PMFBP1: variants seen among roughly 807,000 people sequenced by gnomAD.
PMFBP1 encodes polyamine-modulated factor 1-binding protein 1.
A neutral mutation model predicts 137.8 loss-of-function variants in PMFBP1; 131 were observed. That is an observed-to-expected ratio of 0.95 (90% CI 0.82 to 1.10). The LOEUF (loss-of-function observed/expected upper bound fraction) is 1.10. Ranked by LOEUF, PMFBP1 falls within the 50% of genes least tolerant of loss-of-function variation. The pLI is 0.00. For missense variants in PMFBP1, 1,199 were observed against 1,175.4 expected (o/e 1.02, Z -0.29); for synonymous variants, 490 against 450.4 (o/e 1.09, Z -1.11).
chr16:72,136,187 T>C (rs1201125509), intron 9 of PMFBP1, among the ~76,000 whole-genome samples: 2 of 152,208 alleles, frequency 1.3e-5, no homozygotes, highest in African/African-American at 4.8e-5. Flanking sequence ...GTGTCACAAA[T>C]GCTCTTGCTA....
At chr16:72,184,916 T>C in the PMFBP1 span, among the ~76,000 whole-genome samples, 1 of 152,238 alleles carries the variant, frequency 6.6e-6, no homozygotes, top group Non-Finnish European at 1.5e-5. Context: ...CAACTAGAGA[T>C]ACGATCATGT....
intron 2 of PMFBP1, among the ~76,000 whole-genome samples, chr16:72,168,407 G>A (rs1033387567): frequency 1.3e-5 from 2 of 152,160 alleles, no homozygotes; most frequent in African/African-American, 4.8e-5. Context: ...TTTCTTGCTG[G>A]TATCTCGCAC....
At chr16:72,131,028 G>A (rs1186000423) in intron 10 of PMFBP1, among the ~76,000 whole-genome samples, 1 of 152,140 alleles carries the variant, frequency 6.6e-6, no homozygotes, top group Non-Finnish European at 1.5e-5. Flanking sequence ...GGCTCCTGAG[G>A]GAGGCTTACT....
chr16:72,164,794 G>C lies in PMFBP1; in HGVS notation c.135C>G (p.Leu45=). Reference sequence around the variant, plus strand: ...TGCTGTTCATTGCCTCCTCCATGCAGAGCTGATTGTCCTGCAAGGTCTTCC... The same window carrying C: ...TGCTGTTCATTGCCTCCTCCATGCACAGCTGATTGTCCTGCAAGGTCTTCC... The part of the protein sequence containing the change: ...RQRKTLQDNQ[L]CMEEAMNSSH... Residue 45 remains leucine (L), a synonymous_variant, in exon 3 of 21, where the codon CTC becomes CTG. Transcript: ENST00000237353. 6.2e-7 allele frequency: 1 copy of C among 1,604,530 alleles called. No homozygotes were observed. Among genetic ancestry groups the C allele is most frequent in the Non-Finnish European group, 8.5e-7 (1 of 1,172,136 alleles).
In PMFBP1 at chr16:72,136,724, G is replaced by A. The variant is rs763202267; in HGVS notation, c.1014C>T (p.Ala338=). Residue 338 remains alanine, a synonymous_variant, in exon 8 of 21, where the codon GCC becomes GCT. Transcript: ENST00000237353. ...LVKDLRVELE[A]VSEQKRNIMK... is the part of the protein sequence containing the mutation. ...TGATGTTTCTCTTCTGTTCCGACAC[G>A]GCCTCTAGTTCCACGCGCAGATCCT... is the stretch of plus-strand genomic sequence containing the variant. 14 of 1,613,856 alleles carry A rather than the reference G, an allele frequency of 8.7e-6. No individual in the cohort carries two copies. Among genetic ancestry groups the A allele is most frequent in the South Asian group, 4.4e-5 (4 of 91,076 alleles).
rs149684797 is a variant in PMFBP1, at chr16:72,140,450, G to C, written c.769C>G (p.Gln257Glu). 2.5e-6 allele frequency: 4 copies of C among 1,613,964 alleles called. No individual in the cohort carries two copies. In the African/African-American group the frequency reaches 5.3e-5, roughly 22 times the overall value. ...QKVSQQDDLIQELRNKLACSN... is the reference protein window; with the variant it reads ...QKVSQQDDLIEELRNKLACSN... ...CAGGCCAGCTTATTTCGAAGTTCTT[G>C]AATGAGATCATCCTGTTGAGAGACC... Residue 257 changes from glutamine (Q) to glutamate (E), a missense_variant, in exon 6 of 21, where the codon CAA becomes GAA. Physicochemically the swap from Gln to Glu is conservative, Grantham distance 29 (BLOSUM62 2). Transcript: ENST00000237353.
At chr16:72,205,891 C>T in the PMFBP1 span, among the ~76,000 whole-genome samples, 1 of 152,120 alleles carries the variant, frequency 6.6e-6, no homozygotes, top group African/African-American at 2.4e-5. Flanking sequence ...CTCTGAGGGC[C>T]TCCATCTCTT....
In PMFBP1 at chr16:72,150,550, G is replaced by A. The variant is rs926150971; in HGVS notation, c.636+58C>T. Reference sequence around the variant, plus strand: ...GTGGAGGAGGCTGGGACTGTCTGAGGGGACCACCTGGGAGCACATCCACTT... The same window carrying A: ...GTGGAGGAGGCTGGGACTGTCTGAGAGGACCACCTGGGAGCACATCCACTT... On this transcript the variant is annotated intron_variant, in intron 5 of 20. Coordinates refer to ENST00000237353, the MANE Select transcript of PMFBP1 (RefSeq NM_031293.3). 4.5e-6 allele frequency: 7 copies of A among 1,544,990 alleles called. No individual in the cohort carries two copies. The African/African-American group carries it at 9.5e-5, about 21-fold the overall frequency.
At chr16:72,218,675 A>C in the PMFBP1 span, among the ~76,000 whole-genome samples, 2 of 152,254 alleles carry the variant, frequency 1.3e-5, no homozygotes, top group Non-Finnish European at 2.9e-5. Flanking sequence ...TGTGCAAAAC[A>C]TTCCAGAAAG....
chr16:72,164,068 T>TA (rs78632399), intron 3 of PMFBP1, among the ~76,000 whole-genome samples: 43 of 143,966 alleles, frequency 3.0e-4, no homozygotes, highest in African/African-American at 5.4e-4. Flanking sequence ...AACATTGGGT[T>TA]AAAAAAAAAA....
chr16:72,170,508 C>A (rs776442126), intron 2 of PMFBP1, among the ~76,000 whole-genome samples: 1 of 152,156 alleles, frequency 6.6e-6, no homozygotes, highest in Non-Finnish European at 1.5e-5. Context: ...TGGCTCACTG[C>A]AGCTTCAACC....
chr16:72,153,217 T>A (rs2042929324), intron 4 of PMFBP1, among the ~76,000 whole-genome samples: 1 of 152,210 alleles, frequency 6.6e-6, no homozygotes, highest in South Asian at 2.1e-4. Flanking sequence ...ATAGATTATA[T>A]TTGTAGGATT....
the PMFBP1 span, among the ~76,000 whole-genome samples, chr16:72,230,311 G>A: frequency 9.2e-5 from 14 of 152,304 alleles, no homozygotes; most frequent in Non-Finnish European, 1.9e-4. Flanking sequence ...TCACATGGAA[G>A]ATAGAGAAAT....
the PMFBP1 span, among the ~76,000 whole-genome samples, chr16:72,190,748 A>G: frequency 6.6e-6 from 1 of 152,170 alleles, no homozygotes; most frequent in East Asian, 1.9e-4. Flanking sequence ...GCACACCTCA[A>G]TCTGAGCACA....
intron 10 of PMFBP1, among the ~76,000 whole-genome samples, chr16:72,132,301 C>T (rs2042560946): frequency 6.6e-6 from 1 of 152,182 alleles, no homozygotes; most frequent in African/African-American, 2.4e-5. Flanking sequence ...AAAGCAGGCT[C>T]TGTGGAGGGA....
At chr16:72,167,216 A>G (rs1204868256) in intron 2 of PMFBP1, among the ~76,000 whole-genome samples, 1 of 152,216 alleles carries the variant, frequency 6.6e-6, no homozygotes, top group Admixed American at 6.5e-5. Flanking sequence ...ATGTCAGAGT[A>G]TTCAGAATTC....
At chr16:72,192,460 T>A in the PMFBP1 span, among the ~76,000 whole-genome samples, 1 of 152,210 alleles carries the variant, frequency 6.6e-6, no homozygotes, top group African/African-American at 2.4e-5. Context: ...ATTGCCTTTT[T>A]TTCTTGAAAG....
chr16:72,141,530 T>C (rs1343227125), intron 5 of PMFBP1, among the ~76,000 whole-genome samples: 1 of 152,210 alleles, frequency 6.6e-6, no homozygotes, highest in African/African-American at 2.4e-5. Flanking sequence ...TAAATGAATC[T>C]GTACAATATA....
At chr16:72,126,283 C>G (rs1431540064) in intron 14 of PMFBP1, 151 bp from the exon 15 acceptor site, 1 of 825,128 alleles carries the variant, frequency 1.2e-6, no homozygotes, top group Non-Finnish European at 1.9e-6. Context: ...CACTTCACCA[C>G]TGTAAAAGGT....
Sources: allele counts gnomAD v4.1 joint callset (sites outside exome capture counted in the v4.1 genomes callset), GRCh38; gene constraint gnomAD v4.1.1; transcripts MANE v1.5; gene names NCBI Gene and HGNC (gene_info 2026-07-23, HGNC 2026-07-21).